PCDHGA7: variants seen among roughly 807,000 people sequenced by gnomAD.
PCDHGA7 encodes the protein protocadherin gamma subfamily A, 7, also known as protocadherin gamma-A7.
PCDHGA7 carries 44 observed loss-of-function variants against 58.3 expected under a neutral mutation model. The observed-to-expected ratio is 0.75, with a 90% confidence interval of 0.59 to 0.97. PCDHGA7 has a LOEUF of 0.97. PCDHGA7 is among the 50% of genes least tolerant of loss of function. The pLI is 0.00. For synonymous variants in PCDHGA7, 516 were observed against 504.2 expected, an observed-to-expected ratio of 1.02 and a Z score of -0.31; for missense variants, 1,266 against 1,188.7, an observed-to-expected ratio of 1.06 and a Z score of -0.96.
chr5:141,431,297 C>T lies in PCDHGA7; in HGVS notation c.2424+45974C>T. The T allele has an allele frequency of 6.2e-7, 1 of 1,614,126 alleles. No homozygotes were observed. The highest frequency in any genetic ancestry group is 8.5e-7 in the Non-Finnish European group (1 of 1,180,036). Reference sequence around the variant, plus strand: ...GCTCAGCCCGAACACTCACTTCTCCCTCATCGTGCAAAATGGAGCCGACGG... The same window carrying T: ...GCTCAGCCCGAACACTCACTTCTCCTTCATCGTGCAAAATGGAGCCGACGG... On this transcript the variant is annotated intron_variant, in intron 1 of 3. Coordinates refer to ENST00000518325, the MANE Select transcript of PCDHGA7 (RefSeq NM_018920.4). This position sits in a 1 kb window ranked among gnomAD's most constrained non-coding sequence, Gnocchi z 4.8.
chr5:141,440,321 C>T (rs1048535776), intron 1 of PCDHGA7: 1 of 152,104 alleles, frequency 6.6e-6, no homozygotes, highest in African/African-American at 2.4e-5. Context: ...ACAAAAATTA[C>T]TGGGCATGGT....
intron 1 of PCDHGA7, chr5:141,387,952 C>G: frequency 2.0e-6 from 3 of 1,491,568 alleles, no homozygotes; most frequent in Non-Finnish European, 2.7e-6. Flanking sequence ...TTCCTGCTGT[C>G]TTTGTTCTGC....
In PCDHGA7 at chr5:141,493,811, A is replaced by T. The variant is rs956872917; in HGVS notation, c.2425-996A>T. Reference sequence around the variant, plus strand: ...CTCCCTGGAGTAATCTGAGATACTCACACTCTCTGCTTCTGGGAGCAAGTA... The same window carrying T: ...CTCCCTGGAGTAATCTGAGATACTCTCACTCTCTGCTTCTGGGAGCAAGTA... On this transcript the variant is annotated intron_variant, in intron 1 of 3. Transcript: ENST00000518325. The surrounding 1 kb of genome is among the most constrained non-coding windows in gnomAD (Gnocchi z 4.3). Among the ~76,000 whole-genome samples the T allele has an allele frequency of 1.3e-5, 2 of 152,154 alleles. No homozygotes were observed. The highest frequency in any genetic ancestry group is 2.9e-5 in the Non-Finnish European group (2 of 68,036).
chr5:141,390,358 G>T, intron 1 of PCDHGA7: 1 of 1,540,914 alleles, frequency 6.5e-7, no homozygotes, highest in East Asian at 2.2e-5. Context: ...ATACATATTT[G>T]CAGGAAAATA....
At chr5:141,394,789 C>A (rs747304715) in intron 1 of PCDHGA7, 1 of 1,613,728 alleles carries the variant, frequency 6.2e-7, no homozygotes, top group South Asian at 1.1e-5. Context: ...GCCACTGTCA[C>A]GCTCACCGTA....
chr5:141,500,433 T>A (rs1398344932), intron 2 of PCDHGA7, among the ~76,000 whole-genome samples: 17 of 151,882 alleles, frequency 1.1e-4, no homozygotes, highest in East Asian at 7.8e-4. Flanking sequence ...ATGGTCTCGA[T>A]CTCCTGACCT....
chr5:141,453,111 G>A (rs1040339344), intron 1 of PCDHGA7, among the ~76,000 whole-genome samples: 5 of 151,718 alleles, frequency 3.3e-5, no homozygotes, highest in Non-Finnish European at 5.9e-5. Flanking sequence ...TTTTTGTTTT[G>A]TTTTGTTTTG....
chr5:141,487,671 G>A lies in PCDHGA7; in HGVS notation c.2425-7136G>A. The A allele has an allele frequency of 6.2e-7, 1 of 1,612,012 alleles. No homozygotes were observed. The highest frequency in any genetic ancestry group is 8.5e-7 in the Non-Finnish European group (1 of 1,178,932). ...GAGGGTTATTCTGATCCAGGCATAT[G>A]GCTAGGCCATGTCCTAGAGAGTACT... On this transcript the variant is annotated intron_variant, in intron 1 of 3. Transcript: ENST00000518325. This position sits in a 1 kb window ranked among gnomAD's most constrained non-coding sequence, Gnocchi z 5.0.
chr5:141,399,194 C>A (rs770516092), intron 1 of PCDHGA7: 24 of 1,613,720 alleles, frequency 1.5e-5, no homozygotes, highest in Non-Finnish European at 1.5e-5. Context: ...CTGGAAAACG[C>A]GGTGCCTGGA....
rs141959335 is a variant in PCDHGA7, at chr5:141,491,261, T to C, written c.2425-3546T>C. On this transcript the variant is annotated intron_variant, in intron 1 of 3. Transcript: ENST00000518325. This position sits in a 1 kb window ranked among gnomAD's most constrained non-coding sequence, Gnocchi z 6.9. Reference sequence around the variant, plus strand: ...CTGGAGGATGAGGACCCTGAGGAAATGCCCAAATCCAGTGACTTCCTCATA... The same window carrying C: ...CTGGAGGATGAGGACCCTGAGGAAACGCCCAAATCCAGTGACTTCCTCATA... 104 of 1,614,044 alleles carry C rather than the reference T, an allele frequency of 6.4e-5. No individual in the cohort carries two copies. Among genetic ancestry groups the C allele is most frequent in the Non-Finnish European group, 8.1e-5 (95 of 1,180,028 alleles).
intron 1 of PCDHGA7, chr5:141,389,969 C>G: frequency 6.2e-7 from 1 of 1,614,042 alleles, no homozygotes; most frequent in Non-Finnish European, 8.5e-7. Context: ...TGGCCTTGGC[C>G]TTGATCTCAG....
At position 141,489,049 on chromosome 5, in the gene PCDHGA7, T is replaced by G; in HGVS notation, c.2425-5758T>G. 2.1e-6 allele frequency: 1 copy of G among 477,660 alleles called. No homozygotes were observed. Among genetic ancestry groups the G allele is most frequent in the Non-Finnish European group, 3.7e-6 (1 of 272,910 alleles). 29.6% of individuals were successfully genotyped at this position (477,660 alleles called of 1,614,324 possible). On this transcript the variant is annotated intron_variant, in intron 1 of 3. Transcript: ENST00000518325. The surrounding 1 kb of genome is among the most constrained non-coding windows in gnomAD (Gnocchi z 4.5). ...CTCCAGCTCCCCAGCTCCACTCAAA[T>G]TCAGCTCCCCTCCCCCCTGCCCACC... is the stretch of plus-strand genomic sequence containing the variant.
chr5:141,389,553 G>A, intron 1 of PCDHGA7: 1 of 1,613,234 alleles, frequency 6.2e-7, no homozygotes, highest in South Asian at 1.1e-5. Context: ...CAACGACAAT[G>A]CGCCACGGGT....
At chr5:141,423,994 A>G (rs2096794168) in intron 1 of PCDHGA7, 17 of 1,081,216 alleles carry the variant, frequency 1.6e-5, no homozygotes, top group Non-Finnish European at 1.8e-5. Flanking sequence ...TCAATTTATT[A>G]TATATAGATA....
chr5:141,413,967 G>C, intron 1 of PCDHGA7: 15 of 1,613,428 alleles, frequency 9.3e-6, no homozygotes, highest in Non-Finnish European at 1.2e-5. Context: ...TGGGCACTCA[G>C]CTGCTGACAG....
chr5:141,399,660 C>T (rs988885728), intron 1 of PCDHGA7: 2 of 1,613,654 alleles, frequency 1.2e-6, no homozygotes, highest in East Asian at 2.2e-5. Context: ...GGGTGGTGTT[C>T]GCGCAGCGCG....
chr5:141,392,167 C>T (rs565694057), intron 1 of PCDHGA7: 40 of 152,290 alleles, frequency 2.6e-4, no homozygotes, highest in African/African-American at 7.9e-4. Context: ...ATTTCTGAGT[C>T]AGTCATCTCC....
intron 1 of PCDHGA7, chr5:141,395,206 A>G (rs773754361): frequency 1.2e-6 from 2 of 1,613,736 alleles, no homozygotes; most frequent in South Asian, 1.1e-5. Context: ...GTAGATTTTC[A>G]TGAATATAAG....
rs575695102 is a variant in PCDHGA7 at position 141,421,063 on chromosome 5, G to C, written c.2424+35740G>C. 16 of 581,866 alleles carry C rather than the reference G, an allele frequency of 2.7e-5. No individual in the cohort carries two copies. The African/African-American group carries it at 2.9e-4, about 10-fold the overall frequency. 36.0% of individuals were successfully genotyped at this position (581,866 alleles called of 1,614,324 possible). A position where few individuals can be genotyped will look rare whatever the true frequency, so the allele number is the denominator to read the frequency against. ...CTCCCCCGCCTCTACCACACAAAGC[G>C]GAATGAGATGGATACTCACAGATCC... On this transcript the variant is annotated intron_variant, in intron 1 of 3. Coordinates refer to ENST00000518325, the MANE Select transcript of PCDHGA7 (RefSeq NM_018920.4).
Sources: gnomAD v4.1 joint callset for allele counts (sites outside exome capture counted in the v4.1 genomes callset) on GRCh38, gnomAD v4.1.1 for gene constraint, Gnocchi (gnomAD v3.1) non-coding constraint, MANE v1.5 for transcripts, NCBI Gene and HGNC (gene_info 2026-07-23, HGNC 2026-07-21) for gene names.